Variants in RTN4RL1 observed in about 807,000 individuals in gnomAD.
RTN4RL1 encodes reticulon 4 receptor like 1.
A neutral mutation model predicts 25.6 loss-of-function variants in RTN4RL1; 7 were observed. That is an observed-to-expected ratio of 0.27 (90% confidence interval 0.16 to 0.51). The LOEUF (loss-of-function observed/expected upper bound fraction) is 0.51, where lower values mean the gene tolerates loss of function less well. Among genes scored for constraint, RTN4RL1 ranks in the 20% least tolerant of loss-of-function variants. The probability of loss-of-function intolerance (pLI) is 0.97; values close to 1 mark genes in which losing one functional copy is unlikely to be tolerated. For missense variants in RTN4RL1, 500 were observed against 615.6 expected (o/e 0.81, Z 1.99); for synonymous variants, 297 against 288.2 (o/e 1.03, Z -0.31).
intron 1 of RTN4RL1, among the ~76,000 whole-genome samples, chr17:2,005,838 C>A (rs1211667894): frequency 1.3e-5 from 2 of 150,246 alleles, no homozygotes; most frequent in Non-Finnish European, 3.0e-5. Flanking sequence ...GCCGTGTCGC[C>A]CAGGCTGGAG....
At chr17:1,985,033 T>C (rs2151317526) in intron 1 of RTN4RL1, among the ~76,000 whole-genome samples, 1 of 152,208 alleles carries the variant, frequency 6.6e-6, no homozygotes, top group East Asian at 1.9e-4. Context: ...CCCCGTTATA[T>C]GCGACAAGCA....
chr17:1,988,251 C>T (rs2066894982), intron 1 of RTN4RL1, among the ~76,000 whole-genome samples: 1 of 151,304 alleles, frequency 6.6e-6, no homozygotes, highest in Admixed American at 6.6e-5. Flanking sequence ...CCCGTCTCTA[C>T]TAAAAATACA....
intron 1 of RTN4RL1, among the ~76,000 whole-genome samples, chr17:1,949,147 G>A (rs908458303): frequency 6.6e-6 from 1 of 152,036 alleles, no homozygotes; most frequent in Non-Finnish European, 1.5e-5. Context: ...ATTTTTAGTA[G>A]AGACGGGGTT....
chr17:1,980,424 T>C (rs1315047673), intron 1 of RTN4RL1, among the ~76,000 whole-genome samples: 2 of 152,042 alleles, frequency 1.3e-5, no homozygotes, highest in African/African-American at 4.8e-5. Flanking sequence ...CCAGGCAGCT[T>C]TTGACACTAA....
intron 1 of RTN4RL1, among the ~76,000 whole-genome samples, chr17:1,962,989 G>A (rs1025100204): frequency 1.4e-4 from 21 of 151,922 alleles, no homozygotes; most frequent in African/African-American, 5.1e-4. Flanking sequence ...CCTGGCTGGA[G>A]TGCAGAGGTA....
chr17:1,986,881 C>G (rs1042937205), intron 1 of RTN4RL1, among the ~76,000 whole-genome samples: 36 of 152,138 alleles, frequency 2.4e-4, no homozygotes, highest in Non-Finnish European at 5.3e-4. Flanking sequence ...TCACAGGCTT[C>G]CAGGCCTGGG....
In RTN4RL1 at chr17:1,994,818, G is replaced by A. The variant is rs1368374447; in HGVS notation, c.13+30035C>T. Reference sequence around the variant, plus strand: ...CTTATAAAGATTAAATGACGGCCAGGTGCAGTGGCTCATACCTGCATATAA... The same window carrying A: ...CTTATAAAGATTAAATGACGGCCAGATGCAGTGGCTCATACCTGCATATAA... On this transcript the variant is annotated intron_variant, in intron 1 of 1. Coordinates refer to ENST00000331238, the MANE Select transcript of RTN4RL1 (RefSeq NM_178568.4). The surrounding 1 kb of genome is among the most constrained non-coding windows in gnomAD (Gnocchi z 4.3). 6.6e-6 allele frequency among the ~76,000 whole-genome samples: 1 copy of A among 152,108 alleles called. No individual in the cohort carries two copies. The highest frequency in any genetic ancestry group is 6.6e-5 in the Admixed American group (1 of 15,260).
chr17:1,957,737 G>A (rs941921524), intron 1 of RTN4RL1, among the ~76,000 whole-genome samples: 11 of 152,212 alleles, frequency 7.2e-5, no homozygotes, highest in East Asian at 3.9e-4. Context: ...CCAGCTACTC[G>A]GGAGGCTGAG....
Position 1,987,021 on chromosome 17 carries a change from AG to A in RTN4RL1, c.13+37831del, listed in dbSNP as rs113765671. Among the ~76,000 whole-genome samples the A allele has an allele frequency of 6.6e-4, 101 of 152,308 alleles. 1 individual carries two copies. Among genetic ancestry groups the A allele is most frequent in the African/African-American group, 2.3e-3 (97 of 41,560 alleles). On this transcript the variant is annotated intron_variant, in intron 1 of 1. Transcript: ENST00000331238. ...TGCCTTCGGGGCTGCCGCTGCGACA[AG>A]GGGACCAAGTGGGGTTCTGAGTAAC...
intron 1 of RTN4RL1, among the ~76,000 whole-genome samples, chr17:1,996,653 G>C (rs1320444837): frequency 6.6e-6 from 1 of 152,174 alleles, no homozygotes; most frequent in Non-Finnish European, 1.5e-5. Flanking sequence ...AAATGGTTCT[G>C]GGTAAACAGC....
At chr17:1,953,233 C>T (rs920396144) in intron 1 of RTN4RL1, among the ~76,000 whole-genome samples, 4 of 151,890 alleles carry the variant, frequency 2.6e-5, no homozygotes, top group African/African-American at 9.7e-5. Context: ...ATAGTTAGAA[C>T]CCATCTCTAC....
At chr17:1,948,687 C>G (rs899898306) in intron 1 of RTN4RL1, among the ~76,000 whole-genome samples, 2 of 141,396 alleles carry the variant, frequency 1.4e-5, no homozygotes, top group Non-Finnish European at 3.1e-5. Flanking sequence ...GGGTTACCTC[C>G]GTGGCGACGA....
intron 1 of RTN4RL1, among the ~76,000 whole-genome samples, chr17:1,970,450 G>A (rs568345935): frequency 7.7e-4 from 117 of 152,304 alleles, no homozygotes; most frequent in Non-Finnish European, 1.3e-3. Context: ...CTTAGGACCT[G>A]AACTGGCACA....
chr17:1,972,931 C>T (rs2066826814), intron 1 of RTN4RL1, among the ~76,000 whole-genome samples: 1 of 152,186 alleles, frequency 6.6e-6, no homozygotes, highest in Non-Finnish European at 1.5e-5. Context: ...GAAGCAGCGG[C>T]CGAAATGAAA....
intron 1 of RTN4RL1, among the ~76,000 whole-genome samples, chr17:2,012,596 G>GTT (rs377749447): frequency 6.8e-6 from 1 of 146,692 alleles, no homozygotes; most frequent in African/African-American, 2.5e-5. Context: ...TTCTCTCTCT[G>GTT]TTTTTTTTTT....
chr17:1,992,259 G>T (rs576325207), intron 1 of RTN4RL1, among the ~76,000 whole-genome samples: 1 of 151,772 alleles, frequency 6.6e-6, no homozygotes, highest in Non-Finnish European at 1.5e-5. Flanking sequence ...AGCTACTTGG[G>T]GGGGCAGGAG....
intron 1 of RTN4RL1, among the ~76,000 whole-genome samples, chr17:2,015,645 T>G (rs2067111009): frequency 6.6e-6 from 1 of 151,790 alleles, no homozygotes; most frequent in African/African-American, 2.4e-5. Flanking sequence ...GTCTGTCGGG[T>G]TTAGTGTCAA....
At chr17:1,966,247 T>C (rs879685140) in intron 1 of RTN4RL1, among the ~76,000 whole-genome samples, 2 of 152,212 alleles carry the variant, frequency 1.3e-5, no homozygotes, top group Non-Finnish European at 1.5e-5. Context: ...CTGAACACTC[T>C]GCAAAAGGGT....
intron 1 of RTN4RL1, among the ~76,000 whole-genome samples, chr17:2,007,357 C>T (rs898370655): frequency 6.6e-6 from 1 of 151,610 alleles, no homozygotes; most frequent in Non-Finnish European, 1.5e-5. Flanking sequence ...CACACACACA[C>T]ACACACACAC....
Sources: allele counts gnomAD v4.1 joint callset (sites outside exome capture counted in the v4.1 genomes callset), GRCh38; gene constraint gnomAD v4.1.1; non-coding constraint Gnocchi (gnomAD v3.1); transcripts MANE v1.5; gene names NCBI Gene and HGNC (gene_info 2026-07-23, HGNC 2026-07-21).